SGSM3: variants seen among roughly 807,000 people sequenced by gnomAD.
The protein encoded by SGSM3 is small G protein signaling modulator 3, also known as RUN and SH3 containing 3.
SGSM3 carries 96 observed loss-of-function variants against 100.5 expected under a neutral mutation model. That is an observed-to-expected ratio of 0.96 (90% CI 0.81 to 1.13). The LOEUF is 1.13. Among genes scored for constraint, SGSM3 ranks in the 50% most tolerant of loss-of-function variants. The pLI is 0.00. For missense variants in SGSM3, 1,001 were observed against 1,015.8 expected, an observed-to-expected ratio of 0.99 and a Z score of 0.20; for synonymous variants, 483 against 422.8, an observed-to-expected ratio of 1.14 and a Z score of -1.75.
intron 6 of SGSM3, among the ~76,000 whole-genome samples, chr22:40,404,922 C>T (rs556626212): frequency 2.6e-5 from 4 of 152,282 alleles, no homozygotes; most frequent in East Asian, 1.9e-4. Flanking sequence ...CTCCAGGCCT[C>T]GGGCCACACG....
At chr22:40,393,117 T>C (rs777995487) in intron 1 of SGSM3, among the ~76,000 whole-genome samples, 2 of 152,206 alleles carry the variant, frequency 1.3e-5, no homozygotes, top group African/African-American at 2.4e-5. Context: ...CTTTTGACTA[T>C]TTTACTTTTT....
intron 1 of SGSM3, among the ~76,000 whole-genome samples, chr22:40,397,401 T>TA (rs963462151): frequency 5.5e-4 from 80 of 146,144 alleles, no homozygotes; most frequent in South Asian, 6.5e-4. Context: ...ACCTTGTCTC[T>TA]AAAAAAAAAA....
rs1472878083 is a variant in SGSM3, at chr22:40,409,340, C to T, written c.2079C>T (p.Ser693=). 1.2e-6 allele frequency: 2 copies of T among 1,611,736 alleles called. No individual in the cohort carries two copies. Among genetic ancestry groups the T allele is most frequent in the Non-Finnish European group, 1.7e-6 (2 of 1,178,906 alleles). Reference sequence around the variant, plus strand: ...ACCAGCCCTGGTCCTTCCTGCGCAGCCCGGGCTGGGTCCAGATCAAGTGTG... The same window carrying T: ...ACCAGCCCTGGTCCTTCCTGCGCAGTCCGGGCTGGGTCCAGATCAAGTGTG... The part of the protein sequence containing the change: ...KWYQPWSFLR[S]PGWVQIKCEL... Residue 693 remains serine, a synonymous_variant, in exon 20 of 22, where the codon AGC becomes AGT. Coordinates refer to ENST00000248929, the MANE Select transcript of SGSM3 (RefSeq NM_015705.6).
chr22:40,410,199 G>A lies in SGSM3; in HGVS notation c.*440G>A, dbSNP rs942064893. ...CCTTGAGTGGTCTAGAAGGCACTGC[G>A]TGGCCCCTCAGATGCTGGGACACAA... On this transcript the variant is annotated 3_prime_UTR_variant, in exon 22 of 22. Coordinates refer to ENST00000248929, the MANE Select transcript of SGSM3 (RefSeq NM_015705.6). The A allele has an allele frequency of 7.8e-5, 83 of 1,063,864 alleles. No individual in the cohort carries two copies. The highest frequency in any genetic ancestry group is 2.8e-4 in the African/African-American group (17 of 60,688). 65.9% of individuals were successfully genotyped at this position (1,063,864 alleles called of 1,614,324 possible).
rs2051686227 is a variant in SGSM3, at chr22:40,407,160, T to G, written c.1241-41T>G. 1 of 1,612,466 alleles carries G rather than the reference T, an allele frequency of 6.2e-7. No homozygotes were observed. Among genetic ancestry groups the G allele is most frequent in the African/African-American group, 1.3e-5 (1 of 74,868 alleles). ...ACGTGGAGCTTCCTCCTCGGGGGCC[T>G]GGAGTGGGCTGTGGTCACCATGGTT... On this transcript the variant is annotated intron_variant, in intron 11 of 21. Coordinates refer to ENST00000248929, the MANE Select transcript of SGSM3 (RefSeq NM_015705.6). This position sits in a 1 kb window ranked among gnomAD's most constrained non-coding sequence, Gnocchi z 4.7.
rs994223179 is a variant in SGSM3, at chr22:40,410,205, CCT to C, written c.*448_*449del. The C allele has an allele frequency of 9.4e-6, 10 of 1,061,826 alleles. No homozygotes were observed. In the East Asian group the frequency reaches 4.9e-4, roughly 52 times the overall value. The allele number at this position is 1,061,826 out of a possible 1,614,324, so 65.8% of individuals were successfully genotyped here. Reference sequence around the variant, plus strand: ...GTGGTCTAGAAGGCACTGCGTGGCCCCTCAGATGCTGGGACACAACAGACCCG... The same window carrying C: ...GTGGTCTAGAAGGCACTGCGTGGCCCCAGATGCTGGGACACAACAGACCCG... On this transcript the variant is annotated 3_prime_UTR_variant, in exon 22 of 22. Coordinates refer to ENST00000248929, the MANE Select transcript of SGSM3 (RefSeq NM_015705.6).
intron 2 of SGSM3, 53 bp downstream of exon 2, chr22:40,400,866 C>T (rs2050655781): frequency 1.3e-6 from 2 of 1,490,250 alleles, no homozygotes; most frequent in Non-Finnish European, 1.8e-6. Flanking sequence ...CACAGAGGAG[C>T]CAGAGGGATG....
rs369194544 is a variant in SGSM3 at position 40,407,610 on chromosome 22, G to A, written c.1524+42G>A. 8.2e-6 allele frequency: 13 copies of A among 1,591,244 alleles called. No individual in the cohort carries two copies. The highest frequency in any genetic ancestry group is 5.4e-5 in the African/African-American group (4 of 74,698). On this transcript the variant is annotated intron_variant, in intron 13 of 21. Coordinates refer to ENST00000248929, the MANE Select transcript of SGSM3 (RefSeq NM_015705.6). This position sits in a 1 kb window ranked among gnomAD's most constrained non-coding sequence, Gnocchi z 4.7. ...GACTACCAGGTCCTCAGGCTGTGGC[G>A]GGTTCCCCAGACTCCCTCCACCAAG... is the stretch of plus-strand genomic sequence containing the variant.
At chr22:40,403,912 G>C (rs1306429270) in intron 4 of SGSM3, among the ~76,000 whole-genome samples, 1 of 152,216 alleles carries the variant, frequency 6.6e-6, no homozygotes. Flanking sequence ...TTTGCTGATG[G>C]ACTGAGTGTG....
chr22:40,393,506 T>A (rs914821664), intron 1 of SGSM3, among the ~76,000 whole-genome samples: 2 of 152,260 alleles, frequency 1.3e-5, no homozygotes, highest in Non-Finnish European at 2.9e-5. Flanking sequence ...CCACTCCAGT[T>A]GGACCTTCAC....
chr22:40,377,393 A>T (rs369803915), intron 1 of SGSM3, among the ~76,000 whole-genome samples: 4 of 152,346 alleles, frequency 2.6e-5, no homozygotes, highest in East Asian at 3.9e-4. Context: ...CAACGAGCTG[A>T]GTCTTCAGCT....
At chr22:40,409,138 C>T (rs1361584925) in intron 19 of SGSM3, 112 bp from the exon 20 acceptor site, 2 of 1,554,996 alleles carry the variant, frequency 1.3e-6, no homozygotes, top group Admixed American at 1.8e-5. Flanking sequence ...AGGTCCTTCC[C>T]CAAAGAGGGT....
Position 40,404,296 on chromosome 22 carries a change from G to A in SGSM3, c.207G>A (p.Glu69=). The part of the protein sequence containing the change: ...SSLLANSPLM[E]DAPQRLRWQA... ...TGCTGGCGAACTCCCCTCTGATGGA[G>A]GATGCTCCACAGAGGCTGCGGTGGC... is the stretch of plus-strand genomic sequence containing the variant. The change falls in exon 5 of 22, where the codon GAG becomes GAA. Residue 69 remains glutamate, a synonymous_variant. Coordinates refer to ENST00000248929, the MANE Select transcript of SGSM3 (RefSeq NM_015705.6). 6.5e-7 allele frequency: 1 copy of A among 1,547,390 alleles called. No homozygotes were observed. Among genetic ancestry groups the A allele is most frequent in the Non-Finnish European group, 8.7e-7 (1 of 1,146,204 alleles).
At position 40,409,310 on chromosome 22, in the gene SGSM3, G is replaced by C. The variant is rs2052212134; in HGVS notation, c.2049G>C (p.Lys683Asn). 6.2e-7 allele frequency: 1 copy of C among 1,613,280 alleles called. No homozygotes were observed. The highest frequency in any genetic ancestry group is 8.5e-7 in the Non-Finnish European group (1 of 1,179,932). Residue 683 changes from lysine (K) to asparagine (N), a missense_variant, in exon 20 of 22, where the codon AAG becomes AAC. Transcript: ENST00000248929. ...VLCSSLPTVEKWYQPWSFLRS... is the reference protein window; with the variant it reads ...VLCSSLPTVENWYQPWSFLRS... ...GCTCCAGCCTGCCCACCGTGGAGAA[G>C]TGGTACCAGCCCTGGTCCTTCCTGC...
At chr22:40,399,925 G>A (rs1222554744) in intron 1 of SGSM3, among the ~76,000 whole-genome samples, 1 of 152,248 alleles carries the variant, frequency 6.6e-6, no homozygotes, top group Admixed American at 6.5e-5. Flanking sequence ...TCTGGGGCAG[G>A]AGCAGAGGCC....
At chr22:40,376,784 T>G (rs2046698694) in intron 1 of SGSM3, among the ~76,000 whole-genome samples, 1 of 151,854 alleles carries the variant, frequency 6.6e-6, no homozygotes, top group African/African-American at 2.4e-5. Flanking sequence ...TAGTTTTTTG[T>G]TTTTTTTAAT....
intron 1 of SGSM3, among the ~76,000 whole-genome samples, chr22:40,397,366 A>G (rs1281480645): frequency 1.3e-5 from 2 of 152,128 alleles, no homozygotes; most frequent in Non-Finnish European, 2.9e-5. Context: ...CAGGAATTCA[A>G]GACCAGCCTG....
chr22:40,399,488 T>C (rs1208656224), intron 1 of SGSM3, among the ~76,000 whole-genome samples: 30 of 152,146 alleles, frequency 2.0e-4, no homozygotes, highest in Non-Finnish European at 1.5e-5. Flanking sequence ...TGGGGTTACA[T>C]GGTGTGGCAG....
At chr22:40,406,696 C>A in intron 10 of SGSM3, 34 bp downstream of exon 10, 1 of 1,546,832 alleles carries the variant, frequency 6.5e-7, no homozygotes, top group Non-Finnish European at 8.9e-7. Flanking sequence ...CCTTGACCCA[C>A]AGCACACGGG....
Sources: allele counts gnomAD v4.1 joint callset (sites outside exome capture counted in the v4.1 genomes callset), GRCh38; gene constraint gnomAD v4.1.1; non-coding constraint Gnocchi (gnomAD v3.1); transcripts MANE v1.5; gene names NCBI Gene and HGNC (gene_info 2026-07-23, HGNC 2026-07-21).